Variants in TSNARE1 observed in about 807,000 individuals in gnomAD.
TSNARE1 encodes the protein t-SNARE domain containing 1.
A neutral mutation model predicts 62.0 loss-of-function variants in TSNARE1; 49 were observed. That is an observed-to-expected ratio of 0.79 (90% CI 0.63 to 1.00). TSNARE1 has a LOEUF of 1.00. Among genes scored for constraint, TSNARE1 ranks in the 50% least tolerant of loss-of-function variants. The pLI is 0.00. For missense variants in TSNARE1, 755 were observed against 700.1 expected (o/e 1.08, Z -0.88); for synonymous variants, 328 against 294.4 (o/e 1.11, Z -1.17).
chr8:142,314,507 G>C, intron 8 of TSNARE1, 67 bp from the exon 9 acceptor site: 1 of 1,418,012 alleles, frequency 7.1e-7, no homozygotes, highest in Non-Finnish European at 9.9e-7. Flanking sequence ...GAGAAGAAAT[G>C]GTCAGCTGAG....
rs779995622 is a variant in TSNARE1 at position 142,315,022 on chromosome 8, C to G, written c.1055G>C (p.Cys352Ser). The G allele has an allele frequency of 5.7e-5, 92 of 1,614,040 alleles. No homozygotes were observed. Among genetic ancestry groups the G allele is most frequent in the Non-Finnish European group, 7.5e-5 (89 of 1,180,034 alleles). ...CCTCACCTTCTGCACCACTCCATAG[C>G]ACTGAATGGCATCTGAGAGCTGGGT... ...LKTQLSDAIQCYGVVQKKIAE... is the reference protein window; with the variant it reads ...LKTQLSDAIQSYGVVQKKIAE... Residue 352 changes from cysteine to serine, a missense_variant, in exon 8 of 14, where the codon TGC becomes TCC. Physicochemically the swap from Cys to Ser is moderately radical, Grantham distance 112 (BLOSUM62 -1). Transcript: ENST00000524325.
intron 13 of TSNARE1, among the ~76,000 whole-genome samples, chr8:142,226,874 A>G (rs1816800540): frequency 6.6e-6 from 1 of 152,042 alleles, no homozygotes; most frequent in Admixed American, 6.5e-5. Context: ...TCCCTGGGCA[A>G]GCTGCTGAGC....
chr8:142,402,973 C>T (rs1023358391), intron 1 of TSNARE1, 131 bp downstream of exon 1: 1 of 150,506 alleles, frequency 6.6e-6, no homozygotes, highest in Non-Finnish European at 1.5e-5. Flanking sequence ...CCCGGCCTCC[C>T]GCAAGCCCCA....
chr8:142,377,259 A>G (rs1420038596), intron 1 of TSNARE1, among the ~76,000 whole-genome samples: 1 of 152,190 alleles, frequency 6.6e-6, no homozygotes, highest in East Asian at 1.9e-4. Context: ...TTACAAATCA[A>G]AAGTAAAACA....
intron 7 of TSNARE1, among the ~76,000 whole-genome samples, chr8:142,315,490 C>T (rs912483645): frequency 6.6e-6 from 1 of 152,248 alleles, no homozygotes; most frequent in African/African-American, 2.4e-5. Flanking sequence ...CCCAGCATCT[C>T]GCCTGTATCT....
At chr8:142,386,362 T>C (rs1383263351) in intron 1 of TSNARE1, among the ~76,000 whole-genome samples, 4 of 152,136 alleles carry the variant, frequency 2.6e-5, no homozygotes, top group African/African-American at 9.7e-5. Flanking sequence ...CTATAATATC[T>C]CATATAGACA....
chr8:142,246,733 G>C (rs944012430), intron 12 of TSNARE1, among the ~76,000 whole-genome samples: 1 of 152,200 alleles, frequency 6.6e-6, no homozygotes, highest in Non-Finnish European at 1.5e-5. Context: ...AGACACGGGA[G>C]AACCGTTCAA....
Position 142,344,465 on chromosome 8 carries a change from C to T in TSNARE1, c.246G>A (p.Gly82=), listed in dbSNP as rs1309567290. 2 of 1,548,438 alleles carry T rather than the reference C, an allele frequency of 1.3e-6. No individual in the cohort carries two copies. The highest frequency in any genetic ancestry group is 2.4e-5 in the South Asian group (2 of 81,708). The change falls in exon 4 of 14, where the codon GGG becomes GGA. Residue 82 remains glycine, a synonymous_variant. Coordinates refer to ENST00000524325, the MANE Select transcript of TSNARE1 (RefSeq NM_145003.5). ...IVPRARKRGP[G]VAPEGSRMPE... is the part of the protein sequence containing the mutation. ...GCATCCGGCTGCCTTCAGGGGCAACCCCAGGCCCTGGAAAGGCACCAAAAG... is the reference window on the plus strand; with the variant it reads ...GCATCCGGCTGCCTTCAGGGGCAACTCCAGGCCCTGGAAAGGCACCAAAAG...
At chr8:142,329,244 C>A (rs751550455) in intron 6 of TSNARE1, among the ~76,000 whole-genome samples, 1 of 152,216 alleles carries the variant, frequency 6.6e-6, no homozygotes, top group Admixed American at 6.5e-5. Context: ...AGCACTAAGG[C>A]GAGTTTCCAG....
At chr8:142,276,196 G>C (rs1820455461) in intron 11 of TSNARE1, 1 of 985,354 alleles carries the variant, frequency 1.0e-6, no homozygotes, top group African/African-American at 1.7e-5. Flanking sequence ...AAAGCCCAGA[G>C]AGCGGGTATG....
chr8:142,237,159 C>CCCTGA (rs56817923), intron 12 of TSNARE1, among the ~76,000 whole-genome samples: 1 of 152,022 alleles, frequency 6.6e-6, no homozygotes, highest in Non-Finnish European at 1.5e-5. Context: ...TCCCCTCCTG[C>CCCTGA]GGCCCGACTC....
intron 2 of TSNARE1, among the ~76,000 whole-genome samples, chr8:142,347,655 C>T (rs1312889626): frequency 6.6e-6 from 1 of 151,770 alleles, no homozygotes; most frequent in African/African-American, 2.4e-5. Flanking sequence ...ATCACCTCGC[C>T]ACACTGCATC....
At chr8:142,331,050 C>T (rs1231173718) in intron 5 of TSNARE1, 80 bp from the exon 6 acceptor site, 3 of 1,315,284 alleles carry the variant, frequency 2.3e-6, no homozygotes, top group African/African-American at 1.4e-5. Context: ...GGCCCCACTG[C>T]AGCCCGGGCA....
In TSNARE1 at chr8:142,344,452, C is replaced by A. The variant is rs373928013; in HGVS notation, c.259G>T (p.Gly87Cys). 6.4e-7 allele frequency: 1 copy of A among 1,572,412 alleles called. No homozygotes were observed. Reference sequence around the variant, plus strand: ...GAGGTGGGCTCCGGCATCCGGCTGCCTTCAGGGGCAACCCCAGGCCCTGGA... The same window carrying A: ...GAGGTGGGCTCCGGCATCCGGCTGCATTCAGGGGCAACCCCAGGCCCTGGA... ...RKRGPGVAPE[G>C]SRMPEPTSSP... Residue 87 changes from glycine (G) to cysteine (C), a missense_variant, in exon 4 of 14, where the codon GGC (glycine) becomes TGC (cysteine). Gly to Cys is a radical substitution (Grantham distance 159, BLOSUM62 -3). Transcript: ENST00000524325.
chr8:142,295,214 G>A (rs187075623), intron 10 of TSNARE1, among the ~76,000 whole-genome samples: 139 of 152,308 alleles, frequency 9.1e-4, no homozygotes, highest in African/African-American at 3.1e-3. Context: ...CTCCCGCTAC[G>A]ACCCTCCTCT....
At chr8:142,342,543 G>A (rs1267804082) in intron 4 of TSNARE1, among the ~76,000 whole-genome samples, 3 of 152,172 alleles carry the variant, frequency 2.0e-5, no homozygotes, top group African/African-American at 4.8e-5. Flanking sequence ...ACACCAGGAC[G>A]GAGGCCTCAT....
At chr8:142,366,670 C>T (rs1199737846) in intron 1 of TSNARE1, among the ~76,000 whole-genome samples, 1 of 152,164 alleles carries the variant, frequency 6.6e-6, no homozygotes, top group Non-Finnish European at 1.5e-5. Context: ...AAACGAGCAC[C>T]TTATTTAATA....
chr8:142,224,230 A>G (rs1416108242), intron 13 of TSNARE1, among the ~76,000 whole-genome samples: 1 of 152,204 alleles, frequency 6.6e-6, no homozygotes, highest in Non-Finnish European at 1.5e-5. Context: ...GGAGGCTCCA[A>G]TACAGAGACC....
At chr8:142,274,260 G>A (rs1820052265) in intron 12 of TSNARE1, 1 of 985,326 alleles carries the variant, frequency 1.0e-6, no homozygotes, top group African/African-American at 1.7e-5. Context: ...AGCCTGACCT[G>A]TCAGGTCTTC....
Sources: gnomAD v4.1 joint callset for allele counts (sites outside exome capture counted in the v4.1 genomes callset) on GRCh38, gnomAD v4.1.1 for gene constraint, MANE v1.5 for transcripts, NCBI Gene and HGNC (gene_info 2026-07-23, HGNC 2026-07-21) for gene names.